PRDM16: variants seen among roughly 807,000 people sequenced by gnomAD.
The protein encoded by PRDM16 is histone-lysine N-methyltransferase PRDM16.
A neutral mutation model predicts 110.6 loss-of-function variants in PRDM16; 23 were observed. The observed-to-expected ratio is 0.21, with a 90% CI of 0.15 to 0.29. The LOEUF is 0.29. Ranked by LOEUF, PRDM16 falls within the 10% of genes least tolerant of loss-of-function variation. PRDM16 has a pLI of 1.00. For synonymous variants in PRDM16, 799 were observed against 781.8 expected, an observed-to-expected ratio of 1.02 and a Z score of -0.37; for missense variants, 1,615 against 1,794.3, an observed-to-expected ratio of 0.90 and a Z score of 1.81.
At position 3,166,853 on chromosome 1, in the gene PRDM16, C is replaced by T. The variant is rs141217366; in HGVS notation, c.38-19272C>T. 3.9e-5 allele frequency among the ~76,000 whole-genome samples: 6 copies of T among 152,320 alleles called. No homozygotes were observed. The East Asian group carries it at 7.7e-4, about 20-fold the overall frequency. On this transcript the variant is annotated intron_variant, in intron 1 of 16. Coordinates refer to ENST00000270722, the MANE Select transcript of PRDM16 (RefSeq NM_022114.4). ...GAAGCTCACTGTGTCTGGCGCTGGC[C>T]GTGCACCCTGGTTCAATTGCTCTGT...
At chr1:3,182,450 A>G (rs1162701889) in intron 1 of PRDM16, among the ~76,000 whole-genome samples, 2 of 152,248 alleles carry the variant, frequency 1.3e-5, no homozygotes, top group Admixed American at 1.3e-4. Flanking sequence ...CGCTCTCTCC[A>G]GACCCCAAGA....
chr1:3,345,651 A>C (rs1271786594), intron 3 of PRDM16, among the ~76,000 whole-genome samples: 1 of 152,180 alleles, frequency 6.6e-6, no homozygotes, highest in Non-Finnish European at 1.5e-5. Flanking sequence ...CAAATGTGTC[A>C]CCGGGATGCA....
intron 1 of PRDM16, among the ~76,000 whole-genome samples, chr1:3,171,722 T>G (rs1644027614): frequency 1.3e-5 from 2 of 152,092 alleles, no homozygotes; most frequent in Non-Finnish European, 2.9e-5. Context: ...TTCCTTCCTC[T>G]TTCTGGAAGG....
rs1052261491 is a variant in PRDM16, at chr1:3,122,647, G to A, written c.37+53351G>A. ...GAACCGTCTCGACTCAGCAAATACC[G>A]CAGCCCTGCCCTCCTTCCAGACATT... On this transcript the variant is annotated intron_variant, in intron 1 of 16. Transcript: ENST00000270722. 1.6e-4 allele frequency among the ~76,000 whole-genome samples: 25 copies of A among 152,074 alleles called. 1 individual carries two copies. The highest frequency in any genetic ancestry group is 1.2e-3 in the Admixed American group (18 of 15,268).
chr1:3,340,572 C>T (rs1186159654), intron 3 of PRDM16, among the ~76,000 whole-genome samples: 5 of 152,196 alleles, frequency 3.3e-5, no homozygotes, highest in African/African-American at 4.8e-5. Context: ...GCTCCCTCCC[C>T]CACTCTGAGT....
chr1:3,223,683 G>A (rs11804075), intron 2 of PRDM16, among the ~76,000 whole-genome samples: 17,715 of 152,158 alleles, frequency 0.12, 2,567 homozygotes, highest in African/African-American at 0.34. Context: ...ACTCATGTCA[G>A]CCCTAGGAAC....
In PRDM16 at chr1:3,432,048, G is replaced by T; in HGVS notation, c.3604G>T (p.Ala1202Ser). The change falls in exon 16 of 17, where the codon GCT becomes TCT. Residue 1202 changes from alanine to serine, a missense_variant. Around this residue, in one of 5 missense-constraint regions of PRDM16, gnomAD observed 327 missense variants for 359.3 expected, o/e 0.91. Transcript: ENST00000270722. ...FGKGLDLRRAAEEAFEVKDVL... is the reference protein window; with the variant it reads ...FGKGLDLRRASEEAFEVKDVL... ...GAAGGGGCTGGACCTCCGCAGAGCA[G>T]CTGAGGAAGCATTTGAAGTTAAAGA... 2.5e-6 allele frequency: 4 copies of T among 1,614,146 alleles called. No individual in the cohort carries two copies. The highest frequency in any genetic ancestry group is 3.4e-6 in the Non-Finnish European group (4 of 1,179,986).
intron 3 of PRDM16, among the ~76,000 whole-genome samples, chr1:3,340,158 T>A (rs1247856842): frequency 6.6e-6 from 1 of 152,140 alleles, no homozygotes; most frequent in Non-Finnish European, 1.5e-5. Flanking sequence ...AGGTGGGGGC[T>A]TCCAGGTCTG....
In PRDM16 at chr1:3,390,356, C is replaced by T. The variant is rs1643277612; in HGVS notation, c.573+5070C>T. On this transcript the variant is annotated intron_variant, in intron 4 of 16. Transcript: ENST00000270722. This position sits in a 1 kb window ranked among gnomAD's most constrained non-coding sequence, Gnocchi z 5.0. ...GGACTCAGGGGTGCGGGCCCCCCAG[C>T]GTACCACGGAACGGCTGTAGGGCTC... 6.6e-6 allele frequency among the ~76,000 whole-genome samples: 1 copy of T among 152,142 alleles called. No homozygotes were observed. The highest frequency in any genetic ancestry group is 1.5e-5 in the Non-Finnish European group (1 of 68,010).
chr1:3,431,301 C>A (rs1638762182), intron 15 of PRDM16, among the ~76,000 whole-genome samples, 193 bp downstream of exon 15: 1 of 141,508 alleles, frequency 7.1e-6, no homozygotes, highest in Non-Finnish European at 1.6e-5. Flanking sequence ...GGGCCCTTAA[C>A]CCCCCCACCC....
rs200647136 is a variant in PRDM16 at position 3,411,903 on chromosome 1, C to A, written c.1706C>A (p.Thr569Lys). ...GCCGTCAGCAACAGCAGCCAGGGCA[C>A]GACGGCAGCTGCGGGGCCCGAGGAG... ...VSAVSNSSQGTTAAAGPEEKF... is the reference protein window; with the variant it reads ...VSAVSNSSQGKTAAAGPEEKF... Residue 569 changes from threonine to lysine, a missense_variant, in exon 9 of 17, where the codon ACG (threonine) becomes AAG (lysine). Physicochemically the swap from Thr to Lys is moderately conservative, Grantham distance 78. This residue lies in a region of PRDM16 where 772 missense variants were observed against 748.3 expected (regional missense o/e 1.03). Coordinates refer to ENST00000270722, the MANE Select transcript of PRDM16 (RefSeq NM_022114.4). The A allele has an allele frequency of 6.2e-7, 1 of 1,613,628 alleles. No individual in the cohort carries two copies. The highest frequency in any genetic ancestry group is 2.2e-5 in the East Asian group (1 of 44,858).
At position 3,426,142 on chromosome 1, in the gene PRDM16, G is replaced by A; in HGVS notation, c.3201G>A (p.Glu1067=). Residue 1067 remains glutamate, a synonymous_variant, in exon 14 of 17, where the codon GAG becomes GAA. Coordinates refer to ENST00000270722, the MANE Select transcript of PRDM16 (RefSeq NM_022114.4). ...SESDNHALLD[E]KEDSYFSEIR... ...CGGACAACCACGCACTTTTAGACGA[G>A]AAAGAAGACTCTTATTTCTCGGAAA... 6.2e-7 allele frequency: 1 copy of A among 1,613,970 alleles called. No individual in the cohort carries two copies. The highest frequency in any genetic ancestry group is 8.5e-7 in the Non-Finnish European group (1 of 1,179,970).
intron 1 of PRDM16, among the ~76,000 whole-genome samples, chr1:3,115,110 C>T (rs990342820): frequency 9.2e-5 from 14 of 152,256 alleles, no homozygotes; most frequent in African/African-American, 3.1e-4. Context: ...CTTCTGTGCC[C>T]TGCCCCGCTC....
intron 1 of PRDM16, among the ~76,000 whole-genome samples, chr1:3,180,282 A>C (rs1390106386): frequency 6.6e-6 from 1 of 152,004 alleles, no homozygotes; most frequent in Admixed American, 6.6e-5. Flanking sequence ...GTTCTGCTGT[A>C]AACTCACAGG....
At chr1:3,287,307 G>A (rs1368476307) in intron 3 of PRDM16, among the ~76,000 whole-genome samples, 9 of 143,108 alleles carry the variant, frequency 6.3e-5, no homozygotes, top group African/African-American at 2.4e-4. Context: ...ATTTACCGGG[G>A]CTGGAGCCGC....
At chr1:3,393,875 CCTGCGAT>C (rs1643338727) in intron 4 of PRDM16, among the ~76,000 whole-genome samples, 1 of 152,150 alleles carries the variant, frequency 6.6e-6, no homozygotes, top group South Asian at 2.1e-4. Flanking sequence ...CGCCTCGGGC[CCTGCGAT>C]CAGCAGTAAT....
intron 2 of PRDM16, among the ~76,000 whole-genome samples, chr1:3,237,373 C>T (rs1192280251): frequency 6.6e-6 from 1 of 151,600 alleles, no homozygotes; most frequent in African/African-American, 2.4e-5. Flanking sequence ...ACCCCCACTT[C>T]GGGACCCCAC....
Position 3,435,604 on chromosome 1 carries a change from AAAG to A in PRDM16, c.*1795_*1797del, listed in dbSNP as rs760811283. 9.9e-5 allele frequency: 23 copies of A among 232,920 alleles called. No homozygotes were observed. Among genetic ancestry groups the A allele is most frequent in the Non-Finnish European group, 1.8e-4 (21 of 117,822 alleles). The allele number at this position is 232,920 out of a possible 1,614,324, so 14.4% of individuals were successfully genotyped here. On this transcript the variant is annotated 3_prime_UTR_variant, in exon 17 of 17. Transcript: ENST00000270722. Reference sequence around the variant, plus strand: ...AATGCCCAAGTTGCCCTTTAAAAAAAAAGAGCGTAAATACAAACAGGAGTGGTG... The same window carrying A: ...AATGCCCAAGTTGCCCTTTAAAAAAAAGCGTAAATACAAACAGGAGTGGTG...
intron 3 of PRDM16, among the ~76,000 whole-genome samples, chr1:3,278,813 C>T (rs965799859): frequency 1.1e-4 from 16 of 152,222 alleles, no homozygotes; most frequent in Non-Finnish European, 2.1e-4. Flanking sequence ...CCACAGGGAA[C>T]GTCAGAGGGG....
Sources: gnomAD v4.1 joint callset for allele counts (sites outside exome capture counted in the v4.1 genomes callset) on GRCh38, gnomAD v4.1.1 for gene constraint, gnomAD v4.1.1 regional missense constraint, Gnocchi (gnomAD v3.1) non-coding constraint, MANE v1.5 for transcripts, NCBI Gene and HGNC (gene_info 2026-07-23, HGNC 2026-07-21) for gene names.